ARHGAP29: variants seen among roughly 807,000 people sequenced by gnomAD.
The protein encoded by ARHGAP29 is rho GTPase-activating protein 29.
A neutral mutation model predicts 122.6 loss-of-function variants in ARHGAP29; 43 were observed. The ratio of observed to expected loss-of-function variants is 0.35; its 90% confidence interval spans 0.27 to 0.45. The LOEUF is 0.45. Ranked by LOEUF, ARHGAP29 falls within the 20% of genes least tolerant of loss-of-function variation. ARHGAP29 has a pLI of 1.00. For synonymous variants in ARHGAP29, 506 were observed against 497.1 expected, an observed-to-expected ratio of 1.02 and a Z score of -0.24; for missense variants, 1,303 against 1,477.2, an observed-to-expected ratio of 0.88 and a Z score of 1.93.
chr1:94,272,721 T>A (rs1655038587), intron 1 of ARHGAP29, among the ~76,000 whole-genome samples: 1 of 152,164 alleles, frequency 6.6e-6, no homozygotes, highest in African/African-American at 2.4e-5. Flanking sequence ...CTTCCCCTTC[T>A]CTCCTTCCAC....
the ARHGAP29 span, among the ~76,000 whole-genome samples, chr1:94,293,423 C>T: frequency 1.3e-4 from 20 of 152,318 alleles, no homozygotes; most frequent in South Asian, 3.9e-3. Context: ...AATCCCCCGA[C>T]CCTTTGCACT....
chr1:94,240,368 G>A (rs145213182), upstream of ARHGAP29, among the ~76,000 whole-genome samples: 718 of 152,206 alleles, frequency 4.7e-3, 1 homozygote, highest in Middle Eastern at 0.024. Flanking sequence ...GGAAATATTT[G>A]CAAAAATGGT....
chr1:94,183,425 A>G (rs1649602130), intron 19 of ARHGAP29, among the ~76,000 whole-genome samples: 1 of 151,976 alleles, frequency 6.6e-6, no homozygotes, highest in Admixed American at 6.6e-5. Flanking sequence ...ATGCTACTAG[A>G]GCCATTTATT....
chr1:94,205,058 C>G lies in ARHGAP29; in HGVS notation c.697+3G>C. 6.4e-7 allele frequency: 1 copy of G among 1,556,348 alleles called. No homozygotes were observed. The highest frequency in any genetic ancestry group is 8.6e-7 in the Non-Finnish European group (1 of 1,158,686). ...AAATCAGATGCTTTAAAAGGCAACT[C>G]ACCCAAGTTAAGCTTTTTTTCAACC... On this transcript the variant is annotated splice_donor_region_variant and intron_variant, in intron 7 of 22. Transcript: ENST00000260526.
At chr1:94,235,945 T>C (rs992830666) in intron 1 of ARHGAP29, among the ~76,000 whole-genome samples, 11 of 152,204 alleles carry the variant, frequency 7.2e-5, no homozygotes, top group Admixed American at 2.0e-4. Context: ...GGCTCTCTAA[T>C]TGAAGTGTAA....
intron 2 of ARHGAP29, among the ~76,000 whole-genome samples, chr1:94,226,200 C>G (rs979444059): frequency 6.6e-6 from 1 of 151,866 alleles, no homozygotes; most frequent in African/African-American, 2.4e-5. Context: ...CAGAACTTAT[C>G]ACTAGGAAAG....
rs373150200 is a variant in ARHGAP29, at chr1:94,175,524, C to T, written c.2906-775G>A. On this transcript the variant is annotated intron_variant, in intron 22 of 22. Transcript: ENST00000260526. ...CATCCTGACTTTAAGCTACAGTCGG[C>T]CCCAAGCACAGCATGCAATCCTTTC... Among the ~76,000 whole-genome samples the T allele has an allele frequency of 3.9e-5, 6 of 152,274 alleles. No homozygotes were observed. The East Asian group carries it at 7.7e-4, about 20-fold the overall frequency.
At chr1:94,302,690 G>C in the ARHGAP29 span, 3 of 439,650 alleles carry the variant, frequency 6.8e-6, no homozygotes, top group South Asian at 5.0e-5. Flanking sequence ...TCCCCAAGCC[G>C]AACAGGAAGC....
At chr1:94,266,804 T>C (rs1041833211) in intron 1 of ARHGAP29, among the ~76,000 whole-genome samples, 2 of 152,218 alleles carry the variant, frequency 1.3e-5, no homozygotes, top group Non-Finnish European at 2.9e-5. Flanking sequence ...GCCTTCACGT[T>C]CCAGAGACAC....
intron 5 of ARHGAP29, among the ~76,000 whole-genome samples, chr1:94,206,980 G>C (rs78083376): frequency 9.4e-5 from 14 of 149,148 alleles, no homozygotes; most frequent in African/African-American, 3.2e-4. Context: ...TATATATATA[G>C]AGAGAGAGAG....
intron 3 of ARHGAP29, among the ~76,000 whole-genome samples, chr1:94,217,442 G>A (rs1452282461): frequency 6.6e-6 from 1 of 151,724 alleles, no homozygotes; most frequent in African/African-American, 2.4e-5. Context: ...GCAGAGGCAG[G>A]AGAATTGCTT....
the ARHGAP29 span, among the ~76,000 whole-genome samples, chr1:94,294,320 T>A: frequency 5.3e-5 from 8 of 151,972 alleles, no homozygotes; most frequent in East Asian, 1.4e-3. Context: ...TATATATGTA[T>A]ATATTTTTTT....
chr1:94,206,845 G>A lies in ARHGAP29; in HGVS notation c.511-1162C>T, dbSNP rs1218797457. 2.1e-4 allele frequency among the ~76,000 whole-genome samples: 4 copies of A among 19,398 alleles called. No individual in the cohort carries two copies. In the South Asian group the frequency reaches 0.022, roughly 109 times the overall value. 12.7% of individuals were successfully genotyped at this position (19,398 alleles called of 152,430 possible). A position where few individuals can be genotyped will look rare whatever the true frequency, so the allele number is the denominator to read the frequency against. Reference sequence around the variant, plus strand: ...TAGAAGATGGAGGTTGCAGTGAGCCGAGATCACACCACTGCACCAGCCCAG... The same window carrying A: ...TAGAAGATGGAGGTTGCAGTGAGCCAAGATCACACCACTGCACCAGCCCAG... On this transcript the variant is annotated intron_variant, in intron 5 of 22. Coordinates refer to ENST00000260526, the MANE Select transcript of ARHGAP29 (RefSeq NM_004815.4).
At chr1:94,182,459 T>C (rs1182201929) in intron 19 of ARHGAP29, among the ~76,000 whole-genome samples, 1 of 151,736 alleles carries the variant, frequency 6.6e-6, no homozygotes, top group East Asian at 1.9e-4. Context: ...GCTTATGGAG[T>C]GCCCTGAATA....
intron 12 of ARHGAP29, chr1:94,195,888 A>T (rs1650420213): frequency 6.6e-6 from 1 of 152,150 alleles, no homozygotes. Flanking sequence ...AAAGCAAGGG[A>T]ATTTATCAGT....
the ARHGAP29 span, among the ~76,000 whole-genome samples, chr1:94,290,584 A>T: frequency 6.6e-6 from 1 of 152,212 alleles, no homozygotes; most frequent in Non-Finnish European, 1.5e-5. Flanking sequence ...CCCTCTATAC[A>T]CTGCTTTAAA....
intron 5 of ARHGAP29, among the ~76,000 whole-genome samples, chr1:94,207,732 T>C (rs955977369): frequency 2.6e-5 from 4 of 152,228 alleles, no homozygotes; most frequent in Non-Finnish European, 4.4e-5. Context: ...GTAATACATA[T>C]AACAAATGCC....
the ARHGAP29 span, among the ~76,000 whole-genome samples, chr1:94,313,972 T>G: frequency 6.6e-6 from 1 of 152,048 alleles, no homozygotes; most frequent in Non-Finnish European, 1.5e-5. Context: ...CCAGGGCCTG[T>G]CGGGGGGTGG....
rs935305021 is a variant in ARHGAP29 at position 94,179,929 on chromosome 1, A to G, written c.2276T>C (p.Leu759Ser). ...QLPEPFILFR[L>S]YKEFIDLAKE... is the part of the protein sequence containing the mutation. Reference sequence around the variant, plus strand: ...TGCAAGGTCTATAAATTCCTTGTACAATCGAAATAAAATAAATGGTTCTGG... The same window carrying G: ...TGCAAGGTCTATAAATTCCTTGTACGATCGAAATAAAATAAATGGTTCTGG... The change falls in exon 20 of 23, where the codon TTG becomes TCG. Residue 759 changes from leucine to serine, a missense_variant. By Grantham distance (145) the Leu-to-Ser change is moderately radical. Around this residue, in one of 3 missense-constraint regions of ARHGAP29, gnomAD observed 620 missense variants for 651.2 expected, o/e 0.95. Coordinates refer to ENST00000260526, the MANE Select transcript of ARHGAP29 (RefSeq NM_004815.4). 9.3e-6 allele frequency: 15 copies of G among 1,606,800 alleles called. No individual in the cohort carries two copies. Among genetic ancestry groups the G allele is most frequent in the Non-Finnish European group, 1.3e-5 (15 of 1,178,004 alleles).
Sources: allele counts gnomAD v4.1 joint callset (sites outside exome capture counted in the v4.1 genomes callset), GRCh38; gene constraint gnomAD v4.1.1; regional missense constraint gnomAD v4.1.1; transcripts MANE v1.5; gene names NCBI Gene and HGNC (gene_info 2026-07-23, HGNC 2026-07-21).